Variants in TRPM1 observed in about 807,000 individuals in gnomAD.
The protein encoded by TRPM1 is transient receptor potential cation channel subfamily M member 1.
A neutral mutation model predicts 149.4 loss-of-function variants in TRPM1; 113 were observed. That is an observed-to-expected ratio of 0.76 (90% CI 0.65 to 0.88). TRPM1 has a LOEUF of 0.88. Among genes scored for constraint, TRPM1 ranks in the 40% least tolerant of loss-of-function variants. The pLI is 0.00. For missense variants in TRPM1, 1,976 were observed against 2,038.7 expected, an observed-to-expected ratio of 0.97 and a Z score of 0.59; for synonymous variants, 741 against 759.5, an observed-to-expected ratio of 0.98 and a Z score of 0.40.
Position 31,040,766 on chromosome 15 carries a change from C to T in TRPM1, c.2088-420G>A, listed in dbSNP as rs915888785. Among the ~76,000 whole-genome samples the T allele has an allele frequency of 6.6e-5, 10 of 151,690 alleles. No individual in the cohort carries two copies. The highest frequency in any genetic ancestry group is 1.2e-4 in the Non-Finnish European group (8 of 67,878). ...GCGGGGCTGCTGGTGGTGGTGGTGG[C>T]GGGAGGTGGACACTGAAAGGAGTCA... On this transcript the variant is annotated intron_variant, in intron 17 of 27. Transcript: ENST00000256552. The surrounding 1 kb of genome is among the most constrained non-coding windows in gnomAD (Gnocchi z 4.2).
intron 11 of TRPM1, among the ~76,000 whole-genome samples, chr15:31,051,955 T>C (rs2033958792): frequency 2.0e-5 from 3 of 152,170 alleles, no homozygotes; most frequent in African/African-American, 7.2e-5. Context: ...GACATCTCAG[T>C]CCCTCCAGTG....
In TRPM1 at chr15:31,017,458, G is replaced by A. The variant is rs1275649122; in HGVS notation, c.3629+8681C>T. Among the ~76,000 whole-genome samples the A allele has an allele frequency of 2.0e-5, 3 of 152,132 alleles. No individual in the cohort carries two copies. In the East Asian group the frequency reaches 5.8e-4, roughly 29 times the overall value. On this transcript the variant is annotated intron_variant, in intron 27 of 27. Coordinates refer to ENST00000256552, the MANE Select transcript of TRPM1 (RefSeq NM_001252024.2). ...CCAGTGTCAGTGTTCCCTTTGAGATGTGCCCATCCACATTGGCATTCGGGA... is the reference window on the plus strand; with the variant it reads ...CCAGTGTCAGTGTTCCCTTTGAGATATGCCCATCCACATTGGCATTCGGGA...
intron 1 of TRPM1, among the ~76,000 whole-genome samples, chr15:31,088,804 G>GA (rs1458766026): frequency 6.6e-6 from 1 of 151,940 alleles, no homozygotes; most frequent in Non-Finnish European, 1.5e-5. Flanking sequence ...CTTTCTGCTG[G>GA]GGGGATGCGT....
chr15:31,041,295 C>A (rs1185387873), intron 17 of TRPM1, among the ~76,000 whole-genome samples: 5 of 151,884 alleles, frequency 3.3e-5, no homozygotes, highest in Non-Finnish European at 5.9e-5. Context: ...GCTGGGACTA[C>A]AGGCGCCCGC....
chr15:31,112,573 C>A (rs1433586875), intron 1 of TRPM1, among the ~76,000 whole-genome samples: 3 of 152,322 alleles, frequency 2.0e-5, no homozygotes, highest in Non-Finnish European at 2.9e-5. Flanking sequence ...CAGCTCCTTC[C>A]TCCCAAGGGG....
chr15:31,027,981 A>C (rs1278887646), intron 25 of TRPM1, among the ~76,000 whole-genome samples: 1 of 152,216 alleles, frequency 6.6e-6, no homozygotes, highest in Non-Finnish European at 1.5e-5. Flanking sequence ...TATGAAACTC[A>C]TATTGCCTTT....
chr15:31,054,376 C>A (rs1453698215), intron 11 of TRPM1, among the ~76,000 whole-genome samples: 1 of 151,796 alleles, frequency 6.6e-6, no homozygotes, highest in Non-Finnish European at 1.5e-5. Flanking sequence ...CTCACTGCAA[C>A]CTCCGGCTCC....
exon 1 of TRPM1, chr15:31,161,057 A>ACACACTCGGCGGCAGCCC (rs952255310): frequency 3.2e-6 from 4 of 1,244,990 alleles, no homozygotes; most frequent in East Asian, 2.6e-5. Context: ...GAGCGGAGCC[A>ACACACTCGGCGGCAGCCC]CACACTCGGC....
intron 27 of TRPM1, among the ~76,000 whole-genome samples, chr15:31,009,460 AT>A (rs2032105970): frequency 6.7e-6 from 1 of 149,174 alleles, no homozygotes; most frequent in Admixed American, 6.8e-5. Flanking sequence ...TCTCTGGTCA[AT>A]TTTTTTCTTT....
intron 1 of TRPM1, among the ~76,000 whole-genome samples, chr15:31,149,524 CTCTTT>C (rs1188937231): frequency 7.8e-6 from 1 of 128,844 alleles, no homozygotes; most frequent in African/African-American, 3.2e-5. Context: ...ATCTCTCTCT[CTCTTT>C]TTTTTTTTTT....
chr15:31,056,941 AG>A (rs2034101776), intron 11 of TRPM1, among the ~76,000 whole-genome samples: 3 of 152,236 alleles, frequency 2.0e-5, no homozygotes, highest in Admixed American at 6.5e-5. Flanking sequence ...AGACTCAGAC[AG>A]TAATTCTCCC....
intron 16 of TRPM1, among the ~76,000 whole-genome samples, chr15:31,043,465 T>G (rs996605153): frequency 2.0e-5 from 3 of 152,226 alleles, no homozygotes; most frequent in Admixed American, 2.0e-4. Context: ...GTGCTGGGAT[T>G]GTAGCCATGA....
chr15:31,097,370 C>A (rs1300260582), intron 1 of TRPM1, among the ~76,000 whole-genome samples: 1 of 152,162 alleles, frequency 6.6e-6, no homozygotes, highest in Admixed American at 6.5e-5. Context: ...AACGTCCAAA[C>A]CCCAAGGCAA....
At chr15:31,085,994 C>T (rs75555182) in intron 1 of TRPM1, among the ~76,000 whole-genome samples, 1,755 of 152,186 alleles carry the variant, frequency 0.012, 18 homozygotes, top group Non-Finnish European at 0.02. Context: ...CTAACTTGTA[C>T]GATCACTGAT....
In TRPM1 at chr15:31,151,512, C is replaced by T. The variant is rs186600372; in HGVS notation, c.54+9394G>A. 9.8e-5 allele frequency among the ~76,000 whole-genome samples: 15 copies of T among 152,334 alleles called. 1 individual carries two copies. Among genetic ancestry groups the T allele is most frequent in the Admixed American group, 9.8e-4 (15 of 15,310 alleles). On this transcript the variant is annotated intron_variant, in intron 1 of 26. Coordinates refer to the TRPM1 transcript ENST00000542188. ...CCACACAGCTCCTTGGCACAGGCCC[C>T]CTTGCTGAGCAGCTACCCTACAGAA...
At chr15:31,035,286 G>A (rs990442239) in intron 21 of TRPM1, among the ~76,000 whole-genome samples, 2 of 152,052 alleles carry the variant, frequency 1.3e-5, no homozygotes, top group African/African-American at 4.8e-5. Context: ...CATTACAGGC[G>A]TGCACCACCA....
intron 1 of TRPM1, among the ~76,000 whole-genome samples, chr15:31,090,668 G>T (rs906518896): frequency 5.3e-5 from 8 of 151,568 alleles, no homozygotes; most frequent in African/African-American, 1.9e-4. Context: ...AAAAGAAACT[G>T]CACCCTGGAA....
chr15:31,035,653 G>A lies in TRPM1; in HGVS notation c.2593C>T (p.Leu865=). Residue 865 remains leucine, a synonymous_variant, in exon 21 of 28, where the codon CTG becomes TTG. Coordinates refer to ENST00000256552, the MANE Select transcript of TRPM1 (RefSeq NM_001252024.2). Reference sequence around the variant, plus strand: ...ACCAGGATGACGTAGTTAAACAGCAGCAGGTAGCCCAAGTATGATATCTGA... The same window carrying A: ...ACCAGGATGACGTAGTTAAACAGCAACAGGTAGCCCAAGTATGATATCTGA... ...FYTISYLGYL[L]LFNYVILVRM... 6.2e-7 allele frequency: 1 copy of A among 1,614,192 alleles called. No homozygotes were observed. Among genetic ancestry groups the A allele is most frequent in the Non-Finnish European group, 8.5e-7 (1 of 1,180,030 alleles).
chr15:31,032,582 C>A lies in TRPM1; in HGVS notation c.2952+107G>T. On this transcript the variant is annotated intron_variant, in intron 22 of 27. Transcript: ENST00000256552. ...AATATTTCCTTTAAAAAGCCAACTG[C>A]AAAAGAAAAACCAAATGAAATTGAA... 2.1e-6 allele frequency: 3 copies of A among 1,403,258 alleles called. No individual in the cohort carries two copies. In the East Asian group the frequency reaches 6.8e-5, roughly 32 times the overall value. 86.9% of individuals were successfully genotyped at this position (1,403,258 alleles called of 1,614,324 possible). A position where few individuals can be genotyped will look rare whatever the true frequency, so the allele number is the denominator to read the frequency against.
Sources: allele counts gnomAD v4.1 joint callset (sites outside exome capture counted in the v4.1 genomes callset), GRCh38; gene constraint gnomAD v4.1.1; non-coding constraint Gnocchi (gnomAD v3.1); transcripts MANE v1.5; gene names NCBI Gene and HGNC (gene_info 2026-07-23, HGNC 2026-07-21).